The following MDGA2 variants were observed in gnomAD, a reference collection of about 807,000 sequenced individuals.
MDGA2 encodes MAM domain-containing glycosylphosphatidylinositol anchor protein 2.
Under a neutral mutation model 117.8 loss-of-function variants are expected in MDGA2, and 40 were observed. The observed-to-expected ratio is 0.34, with a 90% CI of 0.26 to 0.44. The LOEUF (loss-of-function observed/expected upper bound fraction) is 0.44, where lower values mean the gene tolerates loss of function less well. Among genes scored for constraint, MDGA2 ranks in the 20% least tolerant of loss-of-function variants. The pLI is 1.00. For missense variants in MDGA2, 1,123 were observed against 1,250.6 expected, an observed-to-expected ratio of 0.90 and a Z score of 1.54; for synonymous variants, 452 against 439.0, an observed-to-expected ratio of 1.03 and a Z score of -0.37.
At chr14:47,383,657 G>A (rs1478575869) in intron 1 of MDGA2, among the ~76,000 whole-genome samples, 2 of 152,032 alleles carry the variant, frequency 1.3e-5, no homozygotes, top group African/African-American at 2.4e-5. Flanking sequence ...TCCTGCCTTA[G>A]TCTCCTGAGT....
At chr14:46,959,304 G>GT (rs1885697749) in intron 8 of MDGA2, among the ~76,000 whole-genome samples, 3 of 92,386 alleles carry the variant, frequency 3.2e-5, no homozygotes, top group East Asian at 7.2e-4. Flanking sequence ...TGTGTGTGTG[G>GT]ATACATACAT....
intron 10 of MDGA2, among the ~76,000 whole-genome samples, chr14:46,889,541 C>A (rs1289598420): frequency 6.6e-6 from 1 of 152,006 alleles, no homozygotes; most frequent in East Asian, 1.9e-4. Flanking sequence ...TAGTTGTGTT[C>A]TAGCGTCTAG....
chr14:47,400,758 C>CTTTTTTTTTTTTTTT (rs570103742), intron 1 of MDGA2, among the ~76,000 whole-genome samples: 2 of 66,214 alleles, frequency 3.0e-5, no homozygotes, highest in Non-Finnish European at 5.5e-5. Flanking sequence ...CTTTTCTTTT[C>CTTTTTTTTTTTTTTT]TTTTTTTTTT....
intron 1 of MDGA2, among the ~76,000 whole-genome samples, chr14:47,413,726 ACATTTGTTTAATCCCT>A (rs986909958): frequency 1.3e-5 from 2 of 151,160 alleles, no homozygotes; most frequent in African/African-American, 4.9e-5. Flanking sequence ...TTGGGACTGG[ACATTTGTTTAATCCCT>A]CATTGGGATT....
chr14:46,956,422 A>T (rs967767698), intron 9 of MDGA2, among the ~76,000 whole-genome samples: 2 of 152,142 alleles, frequency 1.3e-5, no homozygotes, highest in Non-Finnish European at 2.9e-5. Flanking sequence ...ACACAATGAC[A>T]TAAAGAGTCA....
intron 3 of MDGA2, among the ~76,000 whole-genome samples, chr14:47,170,324 G>C (rs1884067856): frequency 6.6e-6 from 1 of 152,134 alleles, no homozygotes; most frequent in South Asian, 2.1e-4. Flanking sequence ...TGAAACAACT[G>C]ATAATGAGGA....
At chr14:47,576,221 T>C (rs1033069094) in intron 1 of MDGA2, among the ~76,000 whole-genome samples, 1 of 152,222 alleles carries the variant, frequency 6.6e-6, no homozygotes. Flanking sequence ...TTTTATGAAA[T>C]ATTTAAGCTG....
At chr14:47,212,674 C>T (rs1342581867) in intron 3 of MDGA2, among the ~76,000 whole-genome samples, 1 of 152,184 alleles carries the variant, frequency 6.6e-6, no homozygotes, top group Non-Finnish European at 1.5e-5. Flanking sequence ...AACCTCCTCT[C>T]ATCCACTATA....
chr14:47,001,578 T>C (rs1451553633), intron 8 of MDGA2, among the ~76,000 whole-genome samples: 3 of 151,996 alleles, frequency 2.0e-5, no homozygotes, highest in African/African-American at 7.2e-5. Context: ...AACTAATAAA[T>C]GGAGAAATCA....
At chr14:47,523,139 C>T (rs1894903627) in intron 1 of MDGA2, among the ~76,000 whole-genome samples, 1 of 152,070 alleles carries the variant, frequency 6.6e-6, no homozygotes, top group South Asian at 2.1e-4. Flanking sequence ...TGCTCCCTAC[C>T]TAGGCATGCC....
chr14:46,896,233 G>A (rs533132550), intron 10 of MDGA2, among the ~76,000 whole-genome samples: 1 of 152,136 alleles, frequency 6.6e-6, no homozygotes, highest in African/African-American at 2.4e-5. Flanking sequence ...ATGTACCATA[G>A]CTTTAATTCA....
chr14:47,161,767 C>T (rs1452008851), intron 3 of MDGA2, among the ~76,000 whole-genome samples: 2 of 151,722 alleles, frequency 1.3e-5, no homozygotes, highest in Non-Finnish European at 2.9e-5. Flanking sequence ...TTCTTCTTTT[C>T]TCTCCTGCCA....
intron 1 of MDGA2, among the ~76,000 whole-genome samples, chr14:47,581,194 T>C (rs1896222641): frequency 6.6e-6 from 1 of 151,982 alleles, no homozygotes; most frequent in South Asian, 2.1e-4. Context: ...CTTTCTGCAT[T>C]TGAGCTCACT....
At chr14:47,251,577 C>T (rs1887448709) in intron 2 of MDGA2, among the ~76,000 whole-genome samples, 1 of 152,146 alleles carries the variant, frequency 6.6e-6, no homozygotes, top group Non-Finnish European at 1.5e-5. Context: ...AATAAACCAT[C>T]GTACAATTCT....
At chr14:47,076,378 C>T (rs771483823) in intron 6 of MDGA2, among the ~76,000 whole-genome samples, 12 of 151,974 alleles carry the variant, frequency 7.9e-5, no homozygotes, top group African/African-American at 1.2e-4. Flanking sequence ...TAATTTCTTG[C>T]GGTTAAAAAT....
intron 8 of MDGA2, among the ~76,000 whole-genome samples, chr14:46,988,704 A>C (rs1886960404): frequency 6.6e-6 from 1 of 152,092 alleles, no homozygotes; most frequent in Non-Finnish European, 1.5e-5. Context: ...TAGAGCTTTA[A>C]GGAATCTTAG....
intron 14 of MDGA2, 153 bp downstream of exon 14, chr14:46,873,280 T>C: frequency 1.6e-6 from 1 of 623,080 alleles, no homozygotes; most frequent in Non-Finnish European, 2.5e-6. Context: ...AAAAAATTCT[T>C]ACTATCTTAT....
At chr14:46,956,963 C>T (rs1885586055) in intron 9 of MDGA2, among the ~76,000 whole-genome samples, 1 of 152,124 alleles carries the variant, frequency 6.6e-6, no homozygotes, top group Admixed American at 6.5e-5. Flanking sequence ...TAGGTCCTTG[C>T]TTCCCCTTTG....
chr14:47,568,237 G>A (rs916507418), intron 1 of MDGA2, among the ~76,000 whole-genome samples: 2 of 152,160 alleles, frequency 1.3e-5, no homozygotes, highest in Admixed American at 1.3e-4. Flanking sequence ...AGTACCGCAA[G>A]TAAGAATGTT....
Sources: gnomAD v4.1 joint callset for allele counts (sites outside exome capture counted in the v4.1 genomes callset) on GRCh38, gnomAD v4.1.1 for gene constraint, MANE v1.5 for transcripts, NCBI Gene and HGNC (gene_info 2026-07-23, HGNC 2026-07-21) for gene names.